The following IFTAP variants were observed in gnomAD, a reference collection of about 807,000 sequenced individuals.
IFTAP encodes intraflagellar transport-associated protein.
A neutral mutation model predicts 19.4 loss-of-function variants in IFTAP; 19 were observed. The ratio of observed to expected loss-of-function variants is 0.98; its 90% CI spans 0.68 to 1.44. IFTAP has a LOEUF of 1.44. Among genes scored for constraint, IFTAP ranks in the 40% most tolerant of loss-of-function variants. The probability of loss-of-function intolerance (pLI) is 0.00; values close to 1 mark genes in which losing one functional copy is unlikely to be tolerated. For missense variants in IFTAP, 240 were observed against 253.6 expected, an observed-to-expected ratio of 0.95 and a Z score of 0.36; for synonymous variants, 85 against 83.5, an observed-to-expected ratio of 1.02 and a Z score of -0.10.
chr11:36,605,936 G>A (rs1324456835), intron 1 of IFTAP, among the ~76,000 whole-genome samples: 1 of 152,114 alleles, frequency 6.6e-6, no homozygotes, highest in Non-Finnish European at 1.5e-5. Context: ...AAACACAAAA[G>A]TATGTGAATG....
chr11:36,657,764 G>A (rs886701665), intron 5 of IFTAP, among the ~76,000 whole-genome samples: 4 of 152,270 alleles, frequency 2.6e-5, no homozygotes, highest in East Asian at 3.9e-4. Context: ...CTGATGCCAC[G>A]TGGTTCCTAG....
intron 2 of IFTAP, among the ~76,000 whole-genome samples, chr11:36,626,504 C>G (rs1852519230): frequency 6.6e-6 from 1 of 151,194 alleles, no homozygotes; most frequent in African/African-American, 2.5e-5. Flanking sequence ...GAATATAAAT[C>G]TACATTTCAA....
In IFTAP at chr11:36,657,821, T is replaced by A. The variant is rs1590242334; in HGVS notation, c.499-1198T>A. Reference sequence around the variant, plus strand: ...GAAACTCACCGTGGCAAACTCACCATGGAAACCCAGTGGCAGTTTTGTCAG... The same window carrying A: ...GAAACTCACCGTGGCAAACTCACCAAGGAAACCCAGTGGCAGTTTTGTCAG... On this transcript the variant is annotated intron_variant, in intron 5 of 5. Transcript: ENST00000334307. 2.0e-5 allele frequency among the ~76,000 whole-genome samples: 3 copies of A among 152,150 alleles called. No homozygotes were observed. In the East Asian group the frequency reaches 5.8e-4, roughly 29 times the overall value.
intron 1 of IFTAP, among the ~76,000 whole-genome samples, chr11:36,601,487 A>T (rs962856690): frequency 6.6e-6 from 1 of 152,206 alleles, no homozygotes; most frequent in African/African-American, 2.4e-5. Context: ...AAATTTCATG[A>T]TCTCTGATTT....
chr11:36,598,927 T>C lies in IFTAP; in HGVS notation c.-24+4335T>C, dbSNP rs563928919. 2.0e-5 allele frequency among the ~76,000 whole-genome samples: 3 copies of C among 152,336 alleles called. No individual in the cohort carries two copies. The East Asian group carries it at 5.8e-4, about 29-fold the overall frequency. ...ATTAAATGAGATAATGTATGCAAAG[T>C]GTTCAGCCAAGGAAGAGTTTAATAT... On this transcript the variant is annotated intron_variant, in intron 1 of 5. Coordinates refer to ENST00000334307, the MANE Select transcript of IFTAP (RefSeq NM_138787.4).
chr11:36,628,017 T>A (rs933689465), intron 2 of IFTAP, among the ~76,000 whole-genome samples: 1 of 151,040 alleles, frequency 6.6e-6, no homozygotes, highest in African/African-American at 2.5e-5. Flanking sequence ...CTCTTTTTTT[T>A]TTTTTCTAAA....
In IFTAP at chr11:36,651,331, T is replaced by C. The variant is rs576220335; in HGVS notation, c.498+3176T>C. Among the ~76,000 whole-genome samples, 219 of 152,364 alleles carry C rather than the reference T, an allele frequency of 1.4e-3. 1 individual carries two copies. Among genetic ancestry groups the C allele is most frequent in the African/African-American group, 5.0e-3 (209 of 41,582 alleles). ...GTGATAATGAGCAGTTTTTCATGTGTCTGTTGGCTGCATAAATGTCTTCTT... is the reference window on the plus strand; with the variant it reads ...GTGATAATGAGCAGTTTTTCATGTGCCTGTTGGCTGCATAAATGTCTTCTT... On this transcript the variant is annotated intron_variant, in intron 5 of 5. Transcript: ENST00000334307.
chr11:36,622,548 T>A (rs533194115), intron 2 of IFTAP, among the ~76,000 whole-genome samples: 57 of 152,114 alleles, frequency 3.7e-4, no homozygotes, highest in Non-Finnish European at 6.0e-4. Context: ...TGGGTACTAG[T>A]CCAGGCATAT....
chr11:36,628,040 A>G (rs1852585115), intron 2 of IFTAP, among the ~76,000 whole-genome samples: 1 of 148,844 alleles, frequency 6.7e-6, no homozygotes, highest in Non-Finnish European at 1.5e-5. Context: ...TCTTCAGGCC[A>G]CCATAGCTGA....
intron 4 of IFTAP, among the ~76,000 whole-genome samples, chr11:36,644,046 T>A (rs1853353893): frequency 6.6e-6 from 1 of 152,068 alleles, no homozygotes; most frequent in African/African-American, 2.4e-5. Flanking sequence ...GAAACTACCA[T>A]CAGAGTGAAC....
At chr11:36,646,218 A>G (rs902548063) in intron 4 of IFTAP, among the ~76,000 whole-genome samples, 2 of 152,164 alleles carry the variant, frequency 1.3e-5, no homozygotes, top group African/African-American at 4.8e-5. Context: ...GATGATTTTA[A>G]ATAGCGCTGA....
chr11:36,648,198 T>G (rs1590233148), intron 5 of IFTAP, 43 bp downstream of exon 5: 1 of 1,586,662 alleles, frequency 6.3e-7, no homozygotes, highest in East Asian at 2.3e-5. Flanking sequence ...CTGCCTTGAT[T>G]TTGTAATTCA....
At chr11:36,611,677 A>C (rs549740846) in intron 2 of IFTAP, among the ~76,000 whole-genome samples, 6 of 152,294 alleles carry the variant, frequency 3.9e-5, no homozygotes, top group Non-Finnish European at 8.8e-5. Context: ...ACACTTAAAC[A>C]AAAAACATAG....
chr11:36,615,701 T>C (rs1315020051), intron 2 of IFTAP, among the ~76,000 whole-genome samples: 1 of 140,452 alleles, frequency 7.1e-6, no homozygotes, highest in African/African-American at 2.7e-5. Flanking sequence ...GGGAGTTCAC[T>C]CATGATTTGG....
At chr11:36,653,556 T>C (rs752951721) in intron 5 of IFTAP, among the ~76,000 whole-genome samples, 2 of 152,130 alleles carry the variant, frequency 1.3e-5, no homozygotes, top group African/African-American at 2.4e-5. Flanking sequence ...TAACACGAAC[T>C]GAACTTGAAA....
chr11:36,658,887 C>A (rs1015363056), intron 5 of IFTAP, 132 bp from the exon 6 acceptor site: 3 of 597,626 alleles, frequency 5.0e-6, no homozygotes, highest in Non-Finnish European at 8.0e-6. Context: ...TACTTAAAAA[C>A]AGCTTAATCA....
At chr11:36,619,971 G>GGCCATGGGC (rs1852235836) in intron 2 of IFTAP, among the ~76,000 whole-genome samples, 1 of 79,834 alleles carries the variant, frequency 1.3e-5, no homozygotes, top group African/African-American at 8.0e-5. Context: ...AGGCCATGGG[G>GGCCATGGGC]ATAATGTTAC....
At chr11:36,642,059 G>T (rs2133486208) in intron 4 of IFTAP, among the ~76,000 whole-genome samples, 2 of 152,016 alleles carry the variant, frequency 1.3e-5, no homozygotes, top group South Asian at 2.1e-4. Context: ...GATCTTTGTT[G>T]GTTTAAAGTC....
chr11:36,602,418 A>C (rs891633599), intron 1 of IFTAP, among the ~76,000 whole-genome samples: 1 of 152,190 alleles, frequency 6.6e-6, no homozygotes, highest in Non-Finnish European at 1.5e-5. Flanking sequence ...ACTTTAATTA[A>C]GAGTGGATGC....
Sources: gnomAD v4.1 joint callset for allele counts (sites outside exome capture counted in the v4.1 genomes callset) on GRCh38, gnomAD v4.1.1 for gene constraint, MANE v1.5 for transcripts, NCBI Gene and HGNC (gene_info 2026-07-23, HGNC 2026-07-21) for gene names.